ADCY1: variants seen among roughly 807,000 people sequenced by gnomAD.
ADCY1 encodes adenylate cyclase 1, also known as adenylate cyclase type 1.
In ADCY1, 28 loss-of-function variants were observed where a neutral mutation model predicts 105.4. That is an observed-to-expected ratio of 0.27 (90% CI 0.20 to 0.36). ADCY1 has a LOEUF of 0.36. ADCY1 is among the 10% of genes least tolerant of loss of function. The pLI, the probability that ADCY1 is intolerant of heterozygous loss-of-function variation, is 1.00. For synonymous variants in ADCY1, 655 were observed against 623.8 expected, an observed-to-expected ratio of 1.05 and a Z score of -0.75; for missense variants, 977 against 1,434.2, an observed-to-expected ratio of 0.68 and a Z score of 5.15.
At chr7:45,648,539 G>A (rs1314454794) in intron 4 of ADCY1, 131 bp from the exon 5 acceptor site, 1 of 1,241,142 alleles carries the variant, frequency 8.1e-7, no homozygotes, top group Non-Finnish European at 1.1e-6. Flanking sequence ...GGGCGGGAAG[G>A]TGGTGGCCCA....
intron 8 of ADCY1, among the ~76,000 whole-genome samples, chr7:45,668,662 A>G (rs1037291927): frequency 7.9e-5 from 12 of 151,806 alleles, no homozygotes. Context: ...GTTAGGGAGG[A>G]TTCTCTCTTT....
Position 45,597,333 on chromosome 7 carries a change from C to T in ADCY1, c.789+4425C>T, listed in dbSNP as rs544763719. Reference sequence around the variant, plus strand: ...TTCACGCTCTTCTCCACTCTGTTTACGCATTGGATGCTTCTGTTCCCCAAT... The same window carrying T: ...TTCACGCTCTTCTCCACTCTGTTTATGCATTGGATGCTTCTGTTCCCCAAT... On this transcript the variant is annotated intron_variant, in intron 2 of 19. Transcript: ENST00000297323. Among the ~76,000 whole-genome samples, 8 of 152,356 alleles carry T rather than the reference C, an allele frequency of 5.3e-5. No individual in the cohort carries two copies. The South Asian group carries it at 1.2e-3, about 24-fold the overall frequency.
At chr7:45,632,125 T>C (rs952301926) in intron 4 of ADCY1, among the ~76,000 whole-genome samples, 2 of 152,204 alleles carry the variant, frequency 1.3e-5, no homozygotes, top group Admixed American at 1.3e-4. Flanking sequence ...CACTTGTCCA[T>C]ATGTAGTTGA....
intron 7 of ADCY1, among the ~76,000 whole-genome samples, chr7:45,660,451 C>T (rs1055899262): frequency 1.3e-5 from 2 of 152,230 alleles, no homozygotes; most frequent in African/African-American, 4.8e-5. Flanking sequence ...CCTTCCCCTT[C>T]CTGGGCCTTC....
intron 2 of ADCY1, among the ~76,000 whole-genome samples, chr7:45,608,783 G>A (rs1212120844): frequency 6.6e-6 from 1 of 152,200 alleles, no homozygotes; most frequent in Admixed American, 6.5e-5. Flanking sequence ...CATGGGGGCT[G>A]CGGCAGAGCT....
Position 45,714,360 on chromosome 7 carries a change from A to G in ADCY1, c.*365A>G. On this transcript the variant is annotated 3_prime_UTR_variant, in exon 20 of 20. Transcript: ENST00000297323. Reference sequence around the variant, plus strand: ...GACCTTCAGAGCATCCCAGGGTTACAGCAAGAGCCACTGAGGTGTGGCTGG... The same window carrying G: ...GACCTTCAGAGCATCCCAGGGTTACGGCAAGAGCCACTGAGGTGTGGCTGG... 4.2e-6 allele frequency: 1 copy of G among 235,332 alleles called. No individual in the cohort carries two copies. 14.6% of individuals were successfully genotyped at this position (235,332 alleles called of 1,614,324 possible). A position where few individuals can be genotyped will look rare whatever the true frequency, so the allele number is the denominator to read the frequency against.
rs751342543 is a variant in ADCY1 at position 45,703,781 on chromosome 7, G to GT, written c.2718+37dup. The GT allele has an allele frequency of 6.5e-7, 1 of 1,540,666 alleles. No individual in the cohort carries two copies. Among genetic ancestry groups the GT allele is most frequent in the Admixed American group, 1.9e-5 (1 of 51,626 alleles). On this transcript the variant is annotated intron_variant, in intron 16 of 19. Coordinates refer to ENST00000297323, the MANE Select transcript of ADCY1 (RefSeq NM_021116.4). The surrounding 1 kb of genome is among the most constrained non-coding windows in gnomAD (Gnocchi z 5.9). The stretch of plus-strand genomic sequence containing the variant: ...TGCGTCGCCATCCTGACCCCGCCTG[G>GT]TTGTGGTGGTGCATCCTGTTGCGTG...
chr7:45,631,753 G>A (rs529100302), intron 4 of ADCY1, among the ~76,000 whole-genome samples: 1 of 152,170 alleles, frequency 6.6e-6, no homozygotes, highest in Non-Finnish European at 1.5e-5. Context: ...ACATGAGAAA[G>A]ATACACAAAT....
In ADCY1 at chr7:45,686,338, T is replaced by C. The variant is rs867824403; in HGVS notation, c.2327+123T>C. The C allele has an allele frequency of 1.8e-5, 26 of 1,449,328 alleles. No individual in the cohort carries two copies. In the Middle Eastern group the frequency reaches 9.9e-4, roughly 55 times the overall value. The allele number at this position is 1,449,328 out of a possible 1,614,324, so 89.8% of individuals were successfully genotyped here. On this transcript the variant is annotated intron_variant, in intron 13 of 19. Transcript: ENST00000297323. This position sits in a 1 kb window ranked among gnomAD's most constrained non-coding sequence, Gnocchi z 4.3. ...CAAGTTGAATTGTATACACAATTTT[T>C]AGTTTGGTGGCTGCTTCTCTTCAAC...
chr7:45,685,528 C>T (rs141855307), intron 12 of ADCY1, among the ~76,000 whole-genome samples: 1 of 149,306 alleles, frequency 6.7e-6, no homozygotes, highest in Non-Finnish European at 1.5e-5. Context: ...AAGGACAGAG[C>T]TGGGGGCAGG....
At chr7:45,587,163 G>A (rs1792755532) in intron 1 of ADCY1, among the ~76,000 whole-genome samples, 2 of 152,294 alleles carry the variant, frequency 1.3e-5, no homozygotes, top group African/African-American at 4.8e-5. Flanking sequence ...GGGATCAGGA[G>A]GCTGCTCTGT....
intron 1 of ADCY1, among the ~76,000 whole-genome samples, chr7:45,590,420 TC>T (rs1193602379): frequency 1.3e-5 from 2 of 152,146 alleles, no homozygotes; most frequent in Non-Finnish European, 2.9e-5. Context: ...CTGTGCAGGC[TC>T]CTCCGCAGGC....
chr7:45,639,536 G>T (rs542053743), intron 4 of ADCY1, among the ~76,000 whole-genome samples: 4 of 152,326 alleles, frequency 2.6e-5, no homozygotes, highest in African/African-American at 7.2e-5. Context: ...TCCTAGCTTG[G>T]CAGGTTATCA....
intron 17 of ADCY1, among the ~76,000 whole-genome samples, chr7:45,707,118 A>G (rs1051972519): frequency 1.3e-5 from 2 of 152,242 alleles, no homozygotes; most frequent in Admixed American, 6.5e-5. Context: ...AATGCAATCT[A>G]GGACACCCAC....
intron 1 of ADCY1, among the ~76,000 whole-genome samples, chr7:45,582,796 C>T (rs188422496): frequency 7.1e-4 from 108 of 152,312 alleles, no homozygotes; most frequent in Non-Finnish European, 1.1e-3. Flanking sequence ...TTCCCTCTGC[C>T]GTGCAGAGAT....
chr7:45,684,894 C>T, intron 11 of ADCY1, 85 bp from the exon 12 acceptor site: 1 of 1,243,858 alleles, frequency 8.0e-7, no homozygotes, highest in South Asian at 1.2e-5. Flanking sequence ...GTCATCTGCA[C>T]ATTCCACTAT....
chr7:45,640,023 A>G (rs1457595769), intron 4 of ADCY1, among the ~76,000 whole-genome samples: 1 of 152,240 alleles, frequency 6.6e-6, no homozygotes, highest in Non-Finnish European at 1.5e-5. Context: ...GCTTGCATTC[A>G]TATAATTTGC....
At position 45,716,023 on chromosome 7, in the gene ADCY1, T is replaced by G. The variant is rs985682023; in HGVS notation, c.*2028T>G. The stretch of plus-strand genomic sequence containing the variant: ...AGGTAGGCTGACCCCATGGACCCAC[T>G]GGAGACTTTGAGGGCAGAGCTCGGG... On this transcript the variant is annotated 3_prime_UTR_variant, in exon 20 of 20. Coordinates refer to ENST00000297323, the MANE Select transcript of ADCY1 (RefSeq NM_021116.4). 38 of 152,610 alleles carry G rather than the reference T, an allele frequency of 2.5e-4. No homozygotes were observed. The highest frequency in any genetic ancestry group is 7.2e-4 in the African/African-American group (30 of 41,456). The allele number at this position is 152,610 out of a possible 1,614,324, so 9.5% of individuals were successfully genotyped here. A position where few individuals can be genotyped will look rare whatever the true frequency, so the allele number is the denominator to read the frequency against.
Position 45,636,180 on chromosome 7 carries a change from A to G in ADCY1, c.1021-12490A>G, listed in dbSNP as rs75820313. On this transcript the variant is annotated intron_variant, in intron 4 of 19. Transcript: ENST00000297323. Reference sequence around the variant, plus strand: ...TTGTCAGAAAGAATAGTTGTCACTCAATACTTACAGGGCATTGTTCTAAGA... The same window carrying G: ...TTGTCAGAAAGAATAGTTGTCACTCGATACTTACAGGGCATTGTTCTAAGA... 7.4e-3 allele frequency among the ~76,000 whole-genome samples: 1,131 copies of G among 152,294 alleles called. 13 individuals carry two copies. Among genetic ancestry groups the G allele is most frequent in the African/African-American group, 0.026 (1,087 of 41,556 alleles).
Sources: gnomAD v4.1 joint callset for allele counts (sites outside exome capture counted in the v4.1 genomes callset) on GRCh38, gnomAD v4.1.1 for gene constraint, Gnocchi (gnomAD v3.1) non-coding constraint, MANE v1.5 for transcripts, NCBI Gene and HGNC (gene_info 2026-07-23, HGNC 2026-07-21) for gene names.